Variants in COL21A1 observed in about 807,000 individuals in gnomAD.
COL21A1 encodes collagen type XXI alpha 1 chain, also known as collagen alpha-1(XXI) chain.
In COL21A1, 149 loss-of-function variants were observed where a neutral mutation model predicts 137.9. That is an observed-to-expected ratio of 1.08 (90% CI 0.95 to 1.24). The LOEUF is 1.24. COL21A1 is among the 50% of genes most tolerant of loss of function. COL21A1 has a pLI of 0.00. For missense variants in COL21A1, 1,167 were observed against 1,158.4 expected (o/e 1.01, Z -0.11); for synonymous variants, 456 against 391.5 (o/e 1.16, Z -1.95).
chr6:56,309,284 C>G (rs143391070), intron 1 of COL21A1, among the ~76,000 whole-genome samples: 1 of 152,026 alleles, frequency 6.6e-6, no homozygotes, highest in Admixed American at 6.6e-5. Context: ...GTGATCTGCC[C>G]GCCTCGGCCT....
chr6:56,306,901 G>T (rs1764474232), intron 1 of COL21A1, among the ~76,000 whole-genome samples: 2 of 152,096 alleles, frequency 1.3e-5, no homozygotes, highest in Non-Finnish European at 2.9e-5. Context: ...ATGGGGTTTT[G>T]GTGTGGATGT....
At chr6:56,298,618 G>T (rs867137211) in intron 1 of COL21A1, among the ~76,000 whole-genome samples, 18 of 152,064 alleles carry the variant, frequency 1.2e-4, no homozygotes, top group African/African-American at 4.1e-4. Flanking sequence ...TTGGTGGCAA[G>T]GGATGGTATA....
At chr6:56,283,300 T>A (rs925604474) in intron 1 of COL21A1, among the ~76,000 whole-genome samples, 4 of 151,934 alleles carry the variant, frequency 2.6e-5, no homozygotes, top group African/African-American at 9.7e-5. Context: ...TGTATTAGAA[T>A]AATATATAGT....
intron 1 of COL21A1, among the ~76,000 whole-genome samples, chr6:56,246,941 G>A (rs1782683007): frequency 6.6e-6 from 1 of 152,128 alleles, no homozygotes; most frequent in Admixed American, 6.5e-5. Context: ...TAAAGGTCCC[G>A]GAGTGAGTCC....
intron 1 of COL21A1, among the ~76,000 whole-genome samples, chr6:56,373,014 TA>T (rs758684428): frequency 0.019 from 2,753 of 142,834 alleles, 69 homozygotes; most frequent in African/African-American, 0.06. Context: ...GAAAGCAAAA[TA>T]AAAAAAAAAA....
intron 1 of COL21A1, among the ~76,000 whole-genome samples, chr6:56,377,768 TCTC>T (rs1028066052): frequency 6.6e-6 from 1 of 151,610 alleles, no homozygotes; most frequent in Non-Finnish European, 1.5e-5. Context: ...GAATCACCCT[TCTC>T]CTAATTCCAG....
chr6:56,122,059 T>C (rs1219239475), intron 16 of COL21A1, among the ~76,000 whole-genome samples: 3 of 152,166 alleles, frequency 2.0e-5, no homozygotes, highest in South Asian at 2.1e-4. Flanking sequence ...TACAATAAAA[T>C]ACTATTAGCA....
intron 16 of COL21A1, among the ~76,000 whole-genome samples, chr6:56,110,668 A>C (rs1256655594): frequency 6.6e-6 from 1 of 152,034 alleles, no homozygotes; most frequent in Non-Finnish European, 1.5e-5. Flanking sequence ...ATATACCAAA[A>C]CTAACAATAT....
At chr6:56,332,641 G>C (rs1047374492) in intron 1 of COL21A1, among the ~76,000 whole-genome samples, 3 of 149,678 alleles carry the variant, frequency 2.0e-5, no homozygotes, top group African/African-American at 7.6e-5. Context: ...AGTAGGGTCG[G>C]AGACTGTTTA....
intron 16 of COL21A1, among the ~76,000 whole-genome samples, chr6:56,111,383 T>G (rs1771418284): frequency 6.6e-6 from 1 of 152,158 alleles, no homozygotes; most frequent in Non-Finnish European, 1.5e-5. Context: ...ATTACATTAG[T>G]AGAAAAACTA....
intron 16 of COL21A1, among the ~76,000 whole-genome samples, chr6:56,123,738 C>T (rs756076950): frequency 1.3e-5 from 2 of 152,196 alleles, no homozygotes; most frequent in Non-Finnish European, 2.9e-5. Context: ...AAGACAGTTT[C>T]CCAGCCCACT....
At position 56,143,139 on chromosome 6, in the gene COL21A1, A is replaced by G. The variant is rs980402614; in HGVS notation, c.1435-1156T>C. 5.5e-4 allele frequency among the ~76,000 whole-genome samples: 82 copies of G among 149,554 alleles called. 1 individual carries two copies. Among genetic ancestry groups the G allele is most frequent in the African/African-American group, 1.6e-3 (67 of 40,620 alleles). Reference sequence around the variant, plus strand: ...CCTTTTACATGCATTTACATTTTCTATTGTGTAAATTGCCTTCTCAGTTAC... The same window carrying G: ...CCTTTTACATGCATTTACATTTTCTGTTGTGTAAATTGCCTTCTCAGTTAC... On this transcript the variant is annotated intron_variant, in intron 10 of 29. Coordinates refer to ENST00000244728, the MANE Select transcript of COL21A1 (RefSeq NM_030820.4).
At chr6:56,355,617 C>A (rs1581768388) in intron 1 of COL21A1, among the ~76,000 whole-genome samples, 2 of 152,252 alleles carry the variant, frequency 1.3e-5, no homozygotes, top group South Asian at 4.2e-4. Context: ...AAATAGTGCT[C>A]ATTTTTAAGG....
At chr6:56,266,040 C>T (rs912532830) in intron 1 of COL21A1, among the ~76,000 whole-genome samples, 2 of 152,174 alleles carry the variant, frequency 1.3e-5, no homozygotes, top group African/African-American at 4.8e-5. Context: ...TTTAACGAGG[C>T]AATTTTACTC....
intron 1 of COL21A1, among the ~76,000 whole-genome samples, chr6:56,315,220 G>A (rs1253416767): frequency 6.6e-6 from 1 of 152,132 alleles, no homozygotes; most frequent in African/African-American, 2.4e-5. Context: ...GGCCCTGAGC[G>A]GGGTGACTGT....
rs914522661 is a variant in COL21A1, at chr6:56,096,510, T to C, written c.1812+4962A>G. 3.0e-4 allele frequency among the ~76,000 whole-genome samples: 46 copies of C among 152,328 alleles called. 1 individual carries two copies. The highest frequency in any genetic ancestry group is 2.1e-3 in the Admixed American group (32 of 15,306). ...TGAATTGAAGTTAATTAGGTATAAT[T>C]TACTACTTAGAAAGTAAATTACTTT... is the stretch of plus-strand genomic sequence containing the variant. On this transcript the variant is annotated intron_variant, in intron 17 of 29. Coordinates refer to ENST00000244728, the MANE Select transcript of COL21A1 (RefSeq NM_030820.4).
intron 1 of COL21A1, among the ~76,000 whole-genome samples, chr6:56,202,358 C>T (rs1425983398): frequency 6.6e-6 from 1 of 152,068 alleles, no homozygotes; most frequent in Non-Finnish European, 1.5e-5. Flanking sequence ...AAGCTAAAAA[C>T]CCAAGAGCAC....
At chr6:56,139,665 T>G (rs935388439) in intron 12 of COL21A1, among the ~76,000 whole-genome samples, 31 of 152,202 alleles carry the variant, frequency 2.0e-4, no homozygotes, top group African/African-American at 7.5e-4. Context: ...TTTTAGCTTT[T>G]TTACCCCTGT....
intron 1 of COL21A1, among the ~76,000 whole-genome samples, chr6:56,268,907 C>T (rs946099495): frequency 2.0e-5 from 3 of 152,132 alleles, no homozygotes; most frequent in Non-Finnish European, 4.4e-5. Context: ...AAAGATGAAA[C>T]AGCCATTTTA....
Sources: gnomAD v4.1 joint callset for allele counts (sites outside exome capture counted in the v4.1 genomes callset) on GRCh38, gnomAD v4.1.1 for gene constraint, MANE v1.5 for transcripts, NCBI Gene and HGNC (gene_info 2026-07-23, HGNC 2026-07-21) for gene names.